Variants in ADAM2 observed in about 807,000 individuals in gnomAD.
The protein encoded by ADAM2 is disintegrin and metalloproteinase domain-containing protein 2.
ADAM2 carries 101 observed loss-of-function variants against 99.3 expected under a neutral mutation model. The ratio of observed to expected loss-of-function variants is 1.02; its 90% CI spans 0.87 to 1.20. The LOEUF (loss-of-function observed/expected upper bound fraction) is 1.20. ADAM2 is among the 50% of genes most tolerant of loss of function. ADAM2 has a pLI of 0.00. For missense variants in ADAM2, 948 were observed against 878.7 expected (o/e 1.08, Z -1.00); for synonymous variants, 323 against 287.6 (o/e 1.12, Z -1.25).
chr8:39,767,182 C>A lies in ADAM2; in HGVS notation c.1282G>T (p.Ala428Ser), dbSNP rs374307096. The A allele has an allele frequency of 4.4e-6, 7 of 1,608,690 alleles. No homozygotes were observed. The African/African-American group carries it at 9.4e-5, about 22-fold the overall frequency. Residue 428 changes from alanine to serine, a missense_variant, in exon 13 of 21, where the codon GCT (alanine) becomes TCT (serine). Transcript: ENST00000265708. ...TCRFKAGSNC[A>S]EGPCCENCLF... ...CAGTTTTCGCAGCATGGTCCTTCAGCACAGTTTGAACCGGCTTTAAATCTA... is the reference window on the plus strand; with the variant it reads ...CAGTTTTCGCAGCATGGTCCTTCAGAACAGTTTGAACCGGCTTTAAATCTA...
At chr8:39,765,023 CAAAA>C (rs1197817721) in intron 14 of ADAM2, among the ~76,000 whole-genome samples, 1 of 123,870 alleles carries the variant, frequency 8.1e-6, no homozygotes, top group Non-Finnish European at 1.7e-5. Context: ...ACTCCGGCTC[CAAAA>C]AATAAATAAA....
chr8:39,779,307 A>G (rs1048129232), intron 10 of ADAM2, among the ~76,000 whole-genome samples: 14 of 151,876 alleles, frequency 9.2e-5, no homozygotes, highest in Admixed American at 3.3e-4. Context: ...CCTTTCCTCT[A>G]TGTGCGCATG....
intron 15 of ADAM2, among the ~76,000 whole-genome samples, chr8:39,757,440 T>C (rs929475604): frequency 9.2e-5 from 14 of 152,236 alleles, no homozygotes; most frequent in African/African-American, 3.4e-4. Flanking sequence ...ACATCCAAGG[T>C]TGAAGATTCT....
At position 39,788,179 on chromosome 8, in the gene ADAM2, T is replaced by C. The variant is rs1361605944; in HGVS notation, c.715A>G (p.Thr239Ala). 6 of 1,587,858 alleles carry C rather than the reference T, an allele frequency of 3.8e-6. No homozygotes were observed. The highest frequency in any genetic ancestry group is 3.5e-5 in the Admixed American group (2 of 57,702). ...ELWIDENKIA[T>A]TGEANELLHT... ...AATAACTCATTAGCTTCTCCAGTGG[T>C]TGCAATTTTATTTTCATCTATCCAA... The change falls in exon 9 of 21, where the codon ACC becomes GCC. Residue 239 changes from threonine (T) to alanine (A), a missense_variant. By Grantham distance (58) the Thr-to-Ala change is moderately conservative. Coordinates refer to ENST00000265708, the MANE Select transcript of ADAM2 (RefSeq NM_001464.5).
intron 2 of ADAM2, among the ~76,000 whole-genome samples, chr8:39,836,657 G>T (rs1467139136): frequency 6.6e-6 from 1 of 151,950 alleles, no homozygotes. Flanking sequence ...TAATAATTCT[G>T]AACTAAAATA....
intron 14 of ADAM2, among the ~76,000 whole-genome samples, chr8:39,764,546 C>G (rs1055171009): frequency 1.3e-5 from 2 of 152,202 alleles, no homozygotes; most frequent in Non-Finnish European, 2.9e-5. Context: ...CCTATATAAC[C>G]TGCCCCCAGA....
intron 6 of ADAM2, among the ~76,000 whole-genome samples, chr8:39,818,875 AC>A (rs1805060223): frequency 6.6e-6 from 1 of 152,046 alleles, no homozygotes; most frequent in Admixed American, 6.6e-5. Flanking sequence ...AATATATAAA[AC>A]ATTGCAGAAA....
chr8:39,755,863 T>A lies in ADAM2; in HGVS notation c.1662A>T (p.Leu554Phe), dbSNP rs1312394249. The A allele has an allele frequency of 6.3e-7, 1 of 1,591,958 alleles. No homozygotes were observed. The highest frequency in any genetic ancestry group is 1.7e-5 in the Admixed American group (1 of 59,748). Reference sequence around the variant, plus strand: ...TAATAGTGGCTCTTGGAATTTGTAATAAAAATTTACCTACATATTTACATA... The same window carrying A: ...TAATAGTGGCTCTTGGAATTTGTAAAAAAAATTTACCTACATATTTACATA... ...KLICKYVGKF[L>F]LQIPRATIIY... The change falls in exon 16 of 21, where the codon TTA becomes TTT. Residue 554 changes from leucine (L) to phenylalanine (F), a missense_variant. Leu to Phe is a conservative substitution (Grantham distance 22). Transcript: ENST00000265708.
intron 12 of ADAM2, among the ~76,000 whole-genome samples, chr8:39,768,776 G>T (rs1476856780): frequency 6.6e-6 from 1 of 152,116 alleles, no homozygotes; most frequent in Non-Finnish European, 1.5e-5. Flanking sequence ...CTTGAAAATT[G>T]CTTATATGAG....
At chr8:39,758,416 A>T (rs1802231230) in intron 15 of ADAM2, among the ~76,000 whole-genome samples, 1 of 152,140 alleles carries the variant, frequency 6.6e-6, no homozygotes, top group Non-Finnish European at 1.5e-5. Flanking sequence ...AGACAAAGAG[A>T]TAGAAAATGA....
At chr8:39,829,656 T>C (rs1250559225) in intron 3 of ADAM2, among the ~76,000 whole-genome samples, 1 of 151,996 alleles carries the variant, frequency 6.6e-6, no homozygotes, top group African/African-American at 2.4e-5. Flanking sequence ...ATGCTGTTAG[T>C]CATATGTCCT....
intron 10 of ADAM2, among the ~76,000 whole-genome samples, chr8:39,778,430 A>G (rs567177687): frequency 1.3e-5 from 2 of 152,062 alleles, no homozygotes; most frequent in Non-Finnish European, 2.9e-5. Context: ...ACATCATTGC[A>G]AGGATGCTTA....
intron 8 of ADAM2, among the ~76,000 whole-genome samples, 177 bp downstream of exon 8, chr8:39,788,492 C>T (rs1283009697): frequency 6.6e-6 from 1 of 151,758 alleles, no homozygotes; most frequent in African/African-American, 2.4e-5. Flanking sequence ...TTAAGTCTTA[C>T]AGTAGCCAAA....
At chr8:39,797,886 G>T (rs1363964424) in intron 7 of ADAM2, among the ~76,000 whole-genome samples, 1 of 152,200 alleles carries the variant, frequency 6.6e-6, no homozygotes, top group East Asian at 1.9e-4. Context: ...TTTGCACATT[G>T]ATTTTGTATC....
intron 14 of ADAM2, among the ~76,000 whole-genome samples, chr8:39,762,940 T>A (rs1020443454): frequency 6.6e-6 from 1 of 151,896 alleles, no homozygotes; most frequent in Non-Finnish European, 1.5e-5. Context: ...TCTGGTGTAG[T>A]TCTGGTTGAT....
At chr8:39,837,336 C>T in intron 1 of ADAM2, 124 bp from the exon 2 acceptor site, 4 of 594,352 alleles carry the variant, frequency 6.7e-6, no homozygotes, top group Non-Finnish European at 8.3e-6. Flanking sequence ...ATTATCTTCC[C>T]ATTTCTTTCT....
At chr8:39,814,747 T>C (rs1300798904) in intron 6 of ADAM2, among the ~76,000 whole-genome samples, 2 of 152,074 alleles carry the variant, frequency 1.3e-5, no homozygotes, top group South Asian at 2.1e-4. Context: ...CAACATGTCC[T>C]GTATTGAATT....
In ADAM2 at chr8:39,812,935, A is replaced by G. The variant is rs146665890; in HGVS notation, c.514-3469T>C. Among the ~76,000 whole-genome samples, 318 of 152,336 alleles carry G rather than the reference A, an allele frequency of 2.1e-3. 1 individual carries two copies. The highest frequency in any genetic ancestry group is 1.5e-3 in the Non-Finnish European group (101 of 68,024). On this transcript the variant is annotated intron_variant, in intron 6 of 20. Coordinates refer to ENST00000265708, the MANE Select transcript of ADAM2 (RefSeq NM_001464.5). ...TTGTCAAATGGGACCTAATTAAACTAAAGCGCTTTTGCACAGCAAAAGAGA... is the reference window on the plus strand; with the variant it reads ...TTGTCAAATGGGACCTAATTAAACTGAAGCGCTTTTGCACAGCAAAAGAGA...
chr8:39,782,393 T>A (rs1480920493), intron 10 of ADAM2, among the ~76,000 whole-genome samples: 3 of 152,152 alleles, frequency 2.0e-5, no homozygotes, highest in Non-Finnish European at 4.4e-5. Flanking sequence ...AACATATAGT[T>A]AACATAAATC....
Sources: allele counts gnomAD v4.1 joint callset (sites outside exome capture counted in the v4.1 genomes callset), GRCh38; gene constraint gnomAD v4.1.1; transcripts MANE v1.5; gene names NCBI Gene and HGNC (gene_info 2026-07-23, HGNC 2026-07-21).